LY96: variants seen among roughly 807,000 people sequenced by gnomAD.
LY96 encodes lymphocyte antigen 96, also known as myeloid differentiation protein-2.
LY96 carries 18 observed loss-of-function variants against 18.9 expected under a neutral mutation model. That is an observed-to-expected ratio of 0.95 (90% CI 0.66 to 1.41). The LOEUF (loss-of-function observed/expected upper bound fraction) is 1.41. LY96 is among the 40% of genes most tolerant of loss of function. The probability of loss-of-function intolerance (pLI) is 0.00; values close to 1 mark genes in which losing one functional copy is unlikely to be tolerated. For missense variants in LY96, 175 were observed against 182.4 expected, an observed-to-expected ratio of 0.96 and a Z score of 0.23; for synonymous variants, 66 against 62.6, an observed-to-expected ratio of 1.06 and a Z score of -0.26.
chr8:74,077,935 T>C, the LY96 span, among the ~76,000 whole-genome samples: 1 of 151,782 alleles, frequency 6.6e-6, no homozygotes, highest in African/African-American at 2.4e-5. Flanking sequence ...AAGCGAGACC[T>C]TGTCTTTACA....
intron 1 of LY96, among the ~76,000 whole-genome samples, chr8:73,993,821 C>A (rs1204669125): frequency 1.7e-5 from 2 of 116,882 alleles, no homozygotes; most frequent in Non-Finnish European, 3.7e-5. Flanking sequence ...TCAAGTGATT[C>A]TCCCACCTTG....
chr8:74,009,515 T>A (rs2131267765), intron 2 of LY96, among the ~76,000 whole-genome samples: 1 of 152,118 alleles, frequency 6.6e-6, no homozygotes, highest in African/African-American at 2.4e-5. Context: ...TCATGGTAGC[T>A]GGAAATAGGG....
intron 3 of LY96, among the ~76,000 whole-genome samples, chr8:74,010,828 A>C (rs529009042): frequency 2.4e-4 from 37 of 152,112 alleles, no homozygotes; most frequent in African/African-American, 8.9e-4. Context: ...GTAACAGAGC[A>C]GCATCCTAAC....
the LY96 span, among the ~76,000 whole-genome samples, chr8:74,036,735 G>A: frequency 6.6e-6 from 1 of 152,278 alleles, no homozygotes; most frequent in African/African-American, 2.4e-5. Flanking sequence ...TTTCCTTACT[G>A]CAGTGCCATG....
At chr8:74,019,865 C>A (rs184635200) in intron 3 of LY96, among the ~76,000 whole-genome samples, 6 of 152,272 alleles carry the variant, frequency 3.9e-5, no homozygotes, top group African/African-American at 1.4e-4. Context: ...CGACAAAATT[C>A]AACAGCCTTT....
intron 3 of LY96, among the ~76,000 whole-genome samples, chr8:74,019,309 A>G (rs1186560322): frequency 6.6e-6 from 1 of 152,232 alleles, no homozygotes; most frequent in Non-Finnish European, 1.5e-5. Context: ...CAAATAAACT[A>G]GAAAATTTAG....
chr8:74,049,325 T>G, the LY96 span, among the ~76,000 whole-genome samples: 3 of 152,352 alleles, frequency 2.0e-5, no homozygotes, highest in East Asian at 5.8e-4. Flanking sequence ...TGCCTAGCAA[T>G]GTATTCATTA....
At chr8:74,026,226 A>C (rs1330247016) in intron 3 of LY96, among the ~76,000 whole-genome samples, 3 of 152,138 alleles carry the variant, frequency 2.0e-5, no homozygotes, top group African/African-American at 7.2e-5. Flanking sequence ...CACCACATTC[A>C]CTACTTTGTT....
chr8:74,038,716 A>G, the LY96 span, among the ~76,000 whole-genome samples: 1 of 152,134 alleles, frequency 6.6e-6, no homozygotes, highest in African/African-American at 2.4e-5. Context: ...GTGGCTAAAT[A>G]GTATTCTATT....
At chr8:73,995,600 C>A (rs1349095765) in intron 1 of LY96, among the ~76,000 whole-genome samples, 16 of 152,078 alleles carry the variant, frequency 1.1e-4, no homozygotes, top group Admixed American at 9.8e-4. Context: ...ACAAAAATGG[C>A]AAAAATTGAC....
At chr8:74,077,703 GA>G in the LY96 span, among the ~76,000 whole-genome samples, 1 of 151,442 alleles carries the variant, frequency 6.6e-6, no homozygotes, top group Non-Finnish European at 1.5e-5. Context: ...AAATTATAAT[GA>G]ATATTATGAT....
chr8:74,017,321 A>G (rs1816665149), intron 3 of LY96, among the ~76,000 whole-genome samples: 1 of 152,214 alleles, frequency 6.6e-6, no homozygotes. Flanking sequence ...AGATCAAATT[A>G]GTGAAATGAA....
the LY96 span, among the ~76,000 whole-genome samples, chr8:74,092,854 G>C: frequency 0.015 from 2,268 of 152,214 alleles, 46 homozygotes; most frequent in African/African-American, 0.052. Context: ...TCCTCTCTCT[G>C]TATTGCCACA....
intron 2 of LY96, among the ~76,000 whole-genome samples, chr8:74,006,877 T>C (rs1816423234): frequency 6.6e-6 from 1 of 152,212 alleles, no homozygotes; most frequent in Non-Finnish European, 1.5e-5. Context: ...TACGAAATCA[T>C]TTAGAGTTCT....
chr8:74,080,859 G>A, the LY96 span, among the ~76,000 whole-genome samples: 1 of 152,194 alleles, frequency 6.6e-6, no homozygotes, highest in Admixed American at 6.5e-5. Flanking sequence ...TTAGTTCCCA[G>A]CCCTGCCTGG....
chr8:74,037,763 G>A, the LY96 span, among the ~76,000 whole-genome samples: 2 of 152,208 alleles, frequency 1.3e-5, no homozygotes, highest in African/African-American at 4.8e-5. Flanking sequence ...TTGCTTTAGT[G>A]AGTTGGAGTC....
the LY96 span, among the ~76,000 whole-genome samples, chr8:74,062,293 C>T: frequency 0.12 from 17,934 of 151,974 alleles, 1,997 homozygotes; most frequent in African/African-American, 0.29. Context: ...GTTTATTACA[C>T]AGGTAAATGT....
intron 1 of LY96, 59 bp downstream of exon 1, chr8:73,991,613 A>G (rs1816005628): frequency 2.0e-6 from 2 of 987,672 alleles, no homozygotes; most frequent in Non-Finnish European, 3.3e-6. Flanking sequence ...GTAAGTTTTC[A>G]CGAGAACCGT....
At chr8:74,081,142 C>CTTCCTTCT in the LY96 span, among the ~76,000 whole-genome samples, 6 of 123,822 alleles carry the variant, frequency 4.8e-5, no homozygotes, top group African/African-American at 1.6e-4. Context: ...TCCTTCCTTC[C>CTTCCTTCT]TTCTTTCTTT....
Sources: gnomAD v4.1 joint callset for allele counts (sites outside exome capture counted in the v4.1 genomes callset) on GRCh38, gnomAD v4.1.1 for gene constraint, MANE v1.5 for transcripts, NCBI Gene and HGNC (gene_info 2026-07-23, HGNC 2026-07-21) for gene names.